SEMA6D: variants seen among roughly 807,000 people sequenced by gnomAD.
SEMA6D encodes semaphorin 6D.
In SEMA6D, 35 loss-of-function variants were observed where a neutral mutation model predicts 106.6. The observed-to-expected ratio is 0.33, with a 90% CI of 0.25 to 0.44. The LOEUF (loss-of-function observed/expected upper bound fraction) is 0.44, where lower values mean the gene tolerates loss of function less well. SEMA6D is among the 20% of genes least tolerant of loss of function. The pLI is 1.00. For missense variants in SEMA6D, 1,185 were observed against 1,345.9 expected (o/e 0.88, Z 1.87); for synonymous variants, 499 against 487.7 (o/e 1.02, Z -0.31).
chr15:47,564,957 A>C (rs1419399263), intron 3 of SEMA6D, among the ~76,000 whole-genome samples: 1 of 152,176 alleles, frequency 6.6e-6, no homozygotes, highest in Non-Finnish European at 1.5e-5. Flanking sequence ...CTTCAGGAGA[A>C]GATTACCTAT....
intron 1 of SEMA6D, among the ~76,000 whole-genome samples, chr15:47,722,208 C>A (rs570770492): frequency 1.8e-4 from 28 of 152,278 alleles, no homozygotes; most frequent in African/African-American, 6.7e-4. Flanking sequence ...AAGATCAAAC[C>A]ACCAGAATCA....
chr15:47,596,761 C>T (rs1293576154), intron 3 of SEMA6D, among the ~76,000 whole-genome samples: 2 of 151,982 alleles, frequency 1.3e-5, no homozygotes, highest in Non-Finnish European at 2.9e-5. Flanking sequence ...ATATCTCTCT[C>T]CACATACAAA....
chr15:47,718,013 G>A (rs2146215944), intron 1 of SEMA6D, among the ~76,000 whole-genome samples: 1 of 152,306 alleles, frequency 6.6e-6, no homozygotes, highest in African/African-American at 2.4e-5. Flanking sequence ...GGGGCAAGTG[G>A]ACTTGGAGGC....
rs199659585 is a variant in SEMA6D, at chr15:47,766,553, G to C, written c.1647-63G>C. The C allele has an allele frequency of 6.0e-6, 9 of 1,507,732 alleles. No homozygotes were observed. In the African/African-American group the frequency reaches 1.1e-4, roughly 18 times the overall value. 93.4% of individuals were successfully genotyped at this position (1,507,732 alleles called of 1,614,324 possible). On this transcript the variant is annotated intron_variant, in intron 15 of 18. Coordinates refer to ENST00000536845, the MANE Select transcript of SEMA6D (RefSeq NM_001358351.3). ...AGTCTGTGTTCTTGGTTCTGCTCTG[G>C]TTGTCACTTGTGTTCCTATGAAGGC...
intron 3 of SEMA6D, among the ~76,000 whole-genome samples, chr15:47,535,632 C>A (rs2045137196): frequency 6.6e-6 from 1 of 151,136 alleles, no homozygotes; most frequent in African/African-American, 2.4e-5. Context: ...GGAGTTAAGA[C>A]AGATACAAAA....
intron 4 of SEMA6D, among the ~76,000 whole-genome samples, chr15:47,664,224 T>G (rs1435386676): frequency 6.6e-6 from 1 of 152,184 alleles, no homozygotes. Flanking sequence ...ATGACACTTG[T>G]CTTACTTTTT....
intron 3 of SEMA6D, chr15:47,527,699 A>G (rs933112157): frequency 6.6e-6 from 1 of 152,198 alleles, no homozygotes; most frequent in African/African-American, 2.4e-5. Context: ...AACTAAATTT[A>G]TATTCCTCCT....
intron 1 of SEMA6D, among the ~76,000 whole-genome samples, chr15:47,345,759 A>G (rs1414621817): frequency 6.6e-6 from 1 of 152,208 alleles, no homozygotes; most frequent in Non-Finnish European, 1.5e-5. Flanking sequence ...TTGCATGATT[A>G]TATTTCACAA....
chr15:47,709,592 C>T lies in SEMA6D; in HGVS notation c.-54-50153C>T, dbSNP rs79921896. 4.9e-3 allele frequency among the ~76,000 whole-genome samples: 749 copies of T among 152,272 alleles called. 1 individual carries two copies. Among genetic ancestry groups the T allele is most frequent in the African/African-American group, 0.017 (724 of 41,576 alleles). ...GAGTGAATGATCCTGCCCCCTTCCA[C>T]TTTAGTTACAGTCTTATGCTGGGGA... On this transcript the variant is annotated intron_variant, in intron 4 of 19. Coordinates refer to the SEMA6D transcript ENST00000558014.
intron 1 of SEMA6D, among the ~76,000 whole-genome samples, chr15:47,328,926 A>T (rs960586037): frequency 6.6e-6 from 1 of 152,236 alleles, no homozygotes; most frequent in African/African-American, 2.4e-5. Context: ...GTAGACTTTC[A>T]TCAATCAAGA....
intron 1 of SEMA6D, among the ~76,000 whole-genome samples, chr15:47,335,714 A>G (rs937976013): frequency 6.6e-6 from 1 of 152,170 alleles, no homozygotes; most frequent in African/African-American, 2.4e-5. Context: ...TCTCACTGAT[A>G]CTAAGGACAG....
intron 4 of SEMA6D, among the ~76,000 whole-genome samples, chr15:47,620,494 G>A (rs2144173822): frequency 6.6e-6 from 1 of 152,158 alleles, no homozygotes; most frequent in East Asian, 1.9e-4. Context: ...TAAAAATTAA[G>A]ATGAACATGC....
At chr15:47,672,508 A>G (rs976964663) in intron 4 of SEMA6D, among the ~76,000 whole-genome samples, 7 of 152,342 alleles carry the variant, frequency 4.6e-5, no homozygotes, top group Non-Finnish European at 5.9e-5. Flanking sequence ...TATATCCTCA[A>G]TTTTAAGAAA....
At chr15:47,407,400 C>CAAAAAAAAAAAA (rs1272439298) in intron 1 of SEMA6D, among the ~76,000 whole-genome samples, 3 of 85,218 alleles carry the variant, frequency 3.5e-5, no homozygotes, top group East Asian at 3.5e-4. Context: ...AAAACAACAA[C>CAAAAAAAAAAAA]AACAACAACA....
intron 4 of SEMA6D, among the ~76,000 whole-genome samples, chr15:47,665,105 T>C (rs1033546534): frequency 7.2e-5 from 11 of 152,142 alleles, no homozygotes; most frequent in African/African-American, 2.7e-4. Context: ...AACATACCTA[T>C]AGTGGTAGCA....
chr15:47,306,879 G>A (rs1209099454), intron 1 of SEMA6D, among the ~76,000 whole-genome samples: 2 of 152,136 alleles, frequency 1.3e-5, no homozygotes, highest in East Asian at 1.9e-4. Flanking sequence ...CTCAATATAG[G>A]TATGTGTATC....
At chr15:47,715,926 C>T (rs76793265), upstream of SEMA6D, among the ~76,000 whole-genome samples, 20 of 152,316 alleles carry the variant, frequency 1.3e-4, no homozygotes, top group East Asian at 3.9e-3. Flanking sequence ...CTGCCTGCAA[C>T]GGGGGCTTGC....
chr15:47,595,632 T>A (rs2076521382), intron 3 of SEMA6D, among the ~76,000 whole-genome samples: 1 of 152,158 alleles, frequency 6.6e-6, no homozygotes, highest in Non-Finnish European at 1.5e-5. Context: ...TCTTCTTTAT[T>A]TTTTAGGGAG....
At chr15:47,234,498 C>T (rs2032414841) in intron 1 of SEMA6D, among the ~76,000 whole-genome samples, 1 of 151,970 alleles carries the variant, frequency 6.6e-6, no homozygotes, top group Admixed American at 6.6e-5. Context: ...AGTCCTCTTT[C>T]ACCCTTCCCC....
Sources: gnomAD v4.1 joint callset for allele counts (sites outside exome capture counted in the v4.1 genomes callset) on GRCh38, gnomAD v4.1.1 for gene constraint, MANE v1.5 for transcripts, NCBI Gene and HGNC (gene_info 2026-07-23, HGNC 2026-07-21) for gene names.